PVT1: variants seen among roughly 807,000 people sequenced by gnomAD.
PVT1 encodes the protein Pvt1 oncogene.
intron 4 of PVT1, among the ~76,000 whole-genome samples, chr8:128,036,749 A>T (rs1478756675): frequency 1.3e-5 from 2 of 152,174 alleles, no homozygotes; most frequent in South Asian, 4.1e-4. Flanking sequence ...GCATTGCAGG[A>T]GTGAGTGGAA....
In PVT1 at chr8:127,984,875, T is replaced by TTCTTTCTTTC. The variant is rs1554602104; in HGVS notation, n.783-4285_783-4276dup. Among the ~76,000 whole-genome samples, 172 of 86,216 alleles carry TTCTTTCTTTC rather than the reference T, an allele frequency of 2.0e-3. 2 individuals carry two copies. The highest frequency in any genetic ancestry group is 4.7e-3 in the South Asian group (9 of 1,920). The allele number at this position is 86,216 out of a possible 152,430, so 56.6% of individuals were successfully genotyped here. A position where few individuals can be genotyped will look rare whatever the true frequency, so the allele number is the denominator to read the frequency against. On this transcript the variant is annotated intron_variant and non_coding_transcript_variant, in intron 3 of 10. Coordinates refer to ENST00000651587, the Ensembl canonical transcript of PVT1. ...TTTCTTTCTTTCTTTCTTTCTTTCTTTCTTTCTTTCTTTCTTTCTTTCTTT... is the reference window on the plus strand; with the variant it reads ...TTTCTTTCTTTCTTTCTTTCTTTCTTTCTTTCTTTCTCTTTCTTTCTTTCTTTCTTTCTTT...
At chr8:127,897,980 A>T (rs1018171034) in intron 3 of PVT1, among the ~76,000 whole-genome samples, 6 of 151,078 alleles carry the variant, frequency 4.0e-5, no homozygotes, top group Admixed American at 3.9e-4. Flanking sequence ...GGAAGGAAGA[A>T]AGAAGGAAAG....
intron 4 of PVT1, among the ~76,000 whole-genome samples, chr8:128,061,093 A>G (rs1813825122): frequency 1.3e-5 from 2 of 152,122 alleles, no homozygotes; most frequent in Non-Finnish European, 2.9e-5. Flanking sequence ...TATTTTTAGT[A>G]GAGACGGGGT....
intron 2 of PVT1, among the ~76,000 whole-genome samples, chr8:127,879,246 G>A (rs775164765): frequency 4.6e-5 from 7 of 152,210 alleles, no homozygotes; most frequent in Admixed American, 3.9e-4. Flanking sequence ...CAAAGACCCA[G>A]GGCTGGGCGT....
At chr8:127,835,679 T>C (rs1196254312) in intron 2 of PVT1, among the ~76,000 whole-genome samples, 1 of 152,184 alleles carries the variant, frequency 6.6e-6, no homozygotes, top group African/African-American at 2.4e-5. Flanking sequence ...CCTGACTTTT[T>C]TGAAATCCTG....
chr8:128,041,800 A>G (rs1813549072), intron 4 of PVT1, among the ~76,000 whole-genome samples: 1 of 152,066 alleles, frequency 6.6e-6, no homozygotes, highest in African/African-American at 2.4e-5. Context: ...TCTCCTTAAA[A>G]CAGTTTGGAT....
At chr8:127,919,719 A>G (rs1351031173) in intron 3 of PVT1, among the ~76,000 whole-genome samples, 1 of 152,032 alleles carries the variant, frequency 6.6e-6, no homozygotes, top group East Asian at 1.9e-4. Flanking sequence ...GGCCTCACTC[A>G]CTGTGGCCCA....
chr8:128,060,032 G>A (rs1391188206), intron 4 of PVT1, among the ~76,000 whole-genome samples: 1 of 152,144 alleles, frequency 6.6e-6, no homozygotes, highest in Non-Finnish European at 1.5e-5. Context: ...CAAGGCGGGT[G>A]GATCACAAGG....
chr8:127,820,843 G>A (rs1814719794), intron 2 of PVT1, among the ~76,000 whole-genome samples: 1 of 152,028 alleles, frequency 6.6e-6, no homozygotes, highest in South Asian at 2.1e-4. Flanking sequence ...CCGAGTAGCT[G>A]GATTACAGAC....
At position 127,894,921 on chromosome 8, in the gene PVT1, C is replaced by T. The variant is rs542907280; in HGVS notation, n.782+3923C>T. ...GAAGATTCATGATGAAGTGACTGGC[C>T]GGCTTGGTCTGAAGCTAGATTGAAA... is the stretch of plus-strand genomic sequence containing the variant. On this transcript the variant is annotated intron_variant and non_coding_transcript_variant, in intron 3 of 10. Transcript: ENST00000651587. 5.3e-5 allele frequency among the ~76,000 whole-genome samples: 8 copies of T among 152,268 alleles called. No homozygotes were observed. In the South Asian group the frequency reaches 8.3e-4, roughly 16 times the overall value.
intron 2 of PVT1, among the ~76,000 whole-genome samples, chr8:127,800,199 C>CT (rs554050043): frequency 9.9e-5 from 15 of 151,710 alleles, no homozygotes; most frequent in African/African-American, 2.2e-4. Flanking sequence ...CTTCAGGGCT[C>CT]TTTTTTTTTC....
chr8:127,812,256 C>CAGGAAGGAAGGA (rs548047681), intron 2 of PVT1, among the ~76,000 whole-genome samples: 9 of 119,226 alleles, frequency 7.5e-5, no homozygotes, highest in South Asian at 2.6e-4. Flanking sequence ...GGCAGGAAGG[C>CAGGAAGGAAGGA]AGGAAGGCAG....
At chr8:127,937,060 A>C (rs1074099) in intron 3 of PVT1, among the ~76,000 whole-genome samples, 6,828 of 152,184 alleles carry the variant, frequency 0.045, 293 homozygotes, top group African/African-American at 0.11. Context: ...AAGTCACCTA[A>C]CCCCTCGGGC....
At chr8:127,957,525 G>C (rs1315209580) in intron 3 of PVT1, among the ~76,000 whole-genome samples, 2 of 135,344 alleles carry the variant, frequency 1.5e-5, no homozygotes, top group Admixed American at 8.7e-5. Flanking sequence ...CCGAGATTGC[G>C]CCACTGCACT....
intron 3 of PVT1, among the ~76,000 whole-genome samples, chr8:127,899,477 C>T (rs979948995): frequency 5.9e-5 from 9 of 152,144 alleles, no homozygotes; most frequent in Non-Finnish European, 8.8e-5. Flanking sequence ...TCTCTGGCTC[C>T]CCGTCTCTCA....
At chr8:128,046,814 A>T (rs1813619452) in intron 4 of PVT1, among the ~76,000 whole-genome samples, 1 of 152,218 alleles carries the variant, frequency 6.6e-6, no homozygotes, top group Non-Finnish European at 1.5e-5. Context: ...TCCAGGAAGA[A>T]TGAGTAAGGC....
intron 5 of PVT1, among the ~76,000 whole-genome samples, chr8:128,084,506 T>A (rs1170987709): frequency 6.6e-6 from 1 of 152,194 alleles, no homozygotes; most frequent in African/African-American, 2.4e-5. Flanking sequence ...GACTTGCAGA[T>A]GTTATTACAA....
intron 2 of PVT1, among the ~76,000 whole-genome samples, chr8:127,838,588 C>G (rs1814934546): frequency 6.6e-6 from 1 of 152,086 alleles, no homozygotes; most frequent in Non-Finnish European, 1.5e-5. Context: ...ACCTGTAATC[C>G]CAGCTACTCA....
chr8:127,936,109 T>TGCCCA, intron 3 of PVT1, among the ~76,000 whole-genome samples: 1 of 148,372 alleles, frequency 6.7e-6, no homozygotes, highest in Non-Finnish European at 1.5e-5. Context: ...CAGAGTGCAA[T>TGCCCA]GGCGCGATCT....
Sources: allele counts gnomAD v4.1 joint callset (sites outside exome capture counted in the v4.1 genomes callset), GRCh38; gene constraint gnomAD v4.1.1; transcripts MANE v1.5; gene names NCBI Gene and HGNC (gene_info 2026-07-23, HGNC 2026-07-21).